The following CPD variants were observed in gnomAD, a reference collection of about 807,000 sequenced individuals.
The protein encoded by CPD is carboxypeptidase D.
Under a neutral mutation model 138.3 loss-of-function variants are expected in CPD, and 69 were observed. That is an observed-to-expected ratio of 0.50 (90% CI 0.41 to 0.61). The LOEUF (loss-of-function observed/expected upper bound fraction) is 0.61, where lower values mean the gene tolerates loss of function less well. CPD is among the 20% of genes least tolerant of loss of function. The pLI is 0.00. For synonymous variants in CPD, 651 were observed against 642.1 expected (o/e 1.01, Z -0.21); for missense variants, 1,432 against 1,733.3 (o/e 0.83, Z 3.09).
rs372685833 is a variant in CPD at position 30,385,084 on chromosome 17, A to G, written c.842A>G (p.Lys281Arg). 1.2e-6 allele frequency: 2 copies of G among 1,614,124 alleles called. No individual in the cohort carries two copies. Among genetic ancestry groups the G allele is most frequent in the Non-Finnish European group, 1.7e-6 (2 of 1,179,992 alleles). The change falls in exon 2 of 21, where the codon AAA becomes AGA. Residue 281 changes from lysine to arginine, a missense_variant. Physicochemically the swap from Lys to Arg is conservative, Grantham distance 26. Transcript: ENST00000225719. ...CATAAGGCCACTGGAATCTATAGCA[A>G]AACCTCAGATGATGAAGTATTTAAA... The part of the protein sequence containing the change: ...PEHKATGIYS[K>R]TSDDEVFKYL...
chr17:30,420,265 C>A (rs1473283016), intron 2 of CPD, among the ~76,000 whole-genome samples: 7 of 152,156 alleles, frequency 4.6e-5, no homozygotes, highest in Admixed American at 4.6e-4. Context: ...CTGTGCCACC[C>A]TAGATAACAG....
chr17:30,469,596 T>G lies in CPD; in HGVS notation c.*4782T>G, dbSNP rs939820822. On this transcript the variant is annotated 3_prime_UTR_variant, in exon 21 of 21. Coordinates refer to ENST00000225719, the MANE Select transcript of CPD (RefSeq NM_001304.5). ...TCAAATGTATAAATAAAGATCTGTTTATAGGTGATCTTTTTAATTTAGAAG... is the reference window on the plus strand; with the variant it reads ...TCAAATGTATAAATAAAGATCTGTTGATAGGTGATCTTTTTAATTTAGAAG... 3.6e-4 allele frequency: 55 copies of G among 152,204 alleles called. No individual in the cohort carries two copies. The highest frequency in any genetic ancestry group is 2.1e-4 in the Non-Finnish European group (14 of 68,034). 9.4% of individuals were successfully genotyped at this position (152,204 alleles called of 1,614,324 possible).
At chr17:30,390,005 G>T (rs551621760) in intron 2 of CPD, among the ~76,000 whole-genome samples, 1 of 151,904 alleles carries the variant, frequency 6.6e-6, no homozygotes, top group South Asian at 2.1e-4. Context: ...CAAAAAACCC[G>T]GATGTCCTGG....
At chr17:30,442,471 T>G (rs760237082) in intron 10 of CPD, 21 bp downstream of exon 10, 9 of 1,603,128 alleles carry the variant, frequency 5.6e-6, no homozygotes, top group Non-Finnish European at 7.7e-6. Context: ...AGGAGTGAAG[T>G]ATGAAATTTC....
At chr17:30,395,091 G>C (rs986448872) in intron 2 of CPD, among the ~76,000 whole-genome samples, 1 of 151,884 alleles carries the variant, frequency 6.6e-6, no homozygotes, top group Non-Finnish European at 1.5e-5. Context: ...GCATATGGCA[G>C]TGTAGATGAT....
At chr17:30,396,619 T>TTAAA (rs1911515245) in intron 2 of CPD, among the ~76,000 whole-genome samples, 2 of 152,222 alleles carry the variant, frequency 1.3e-5, no homozygotes, top group Non-Finnish European at 2.9e-5. Flanking sequence ...TTAGTTGTGC[T>TTAAA]ACAAATCGAT....
rs1911859591 is a variant in CPD, at chr17:30,408,282, C to T, written c.995-12559C>T. 2.0e-5 allele frequency among the ~76,000 whole-genome samples: 3 copies of T among 152,140 alleles called. No individual in the cohort carries two copies. The South Asian group carries it at 6.2e-4, about 32-fold the overall frequency. On this transcript the variant is annotated intron_variant, in intron 2 of 20. Coordinates refer to ENST00000225719, the MANE Select transcript of CPD (RefSeq NM_001304.5). Reference sequence around the variant, plus strand: ...TTCTTTTTGCTTAGGATTGTCTTGGCTATGCAGGCTCTTATTTGGTTCCAT... The same window carrying T: ...TTCTTTTTGCTTAGGATTGTCTTGGTTATGCAGGCTCTTATTTGGTTCCAT...
At chr17:30,456,812 A>T (rs1353711239) in intron 17 of CPD, 1 of 192,346 alleles carries the variant, frequency 5.2e-6, no homozygotes, top group African/African-American at 2.6e-5. Context: ...GCACTACTGC[A>T]CTCCAGCCTG....
rs960942003 is a variant in CPD, at chr17:30,379,607, C to G, written c.627C>G (p.Asp209Glu). 1.7e-5 allele frequency: 25 copies of G among 1,465,728 alleles called. No individual in the cohort carries two copies. Among genetic ancestry groups the G allele is most frequent in the Non-Finnish European group, 2.0e-5 (22 of 1,121,598 alleles). The allele number at this position is 1,465,728 out of a possible 1,614,324, so 90.8% of individuals were successfully genotyped here. Reference protein sequence around the residue: ...DGGPSGASGRDNSRGRDLNRS... With the variant: ...DGGPSGASGRENSRGRDLNRS... ...GCCCGTCCGGGGCCAGCGGCCGCGA[C>G]AATAGTCGCGGCCGCGACCTCAACC... Residue 209 changes from aspartate (D) to glutamate (E), a missense_variant, in exon 1 of 21, where the codon GAC becomes GAG. Physicochemically the swap from Asp to Glu is conservative, Grantham distance 45 (BLOSUM62 2). Transcript: ENST00000225719. This position sits in a 1 kb window ranked among gnomAD's most constrained non-coding sequence, Gnocchi z 7.0.
chr17:30,391,415 A>G (rs1245378145), intron 2 of CPD, among the ~76,000 whole-genome samples: 1 of 152,218 alleles, frequency 6.6e-6, no homozygotes, highest in East Asian at 1.9e-4. Flanking sequence ...AAACAAACAG[A>G]CAAAAAAGAA....
intron 2 of CPD, among the ~76,000 whole-genome samples, chr17:30,419,157 AG>A (rs1912196119): frequency 6.6e-6 from 1 of 152,206 alleles, no homozygotes; most frequent in East Asian, 1.9e-4. Flanking sequence ...TTTCTGTCAA[AG>A]TTTTGTTATT....
chr17:30,456,678 C>T, intron 17 of CPD, 152 bp downstream of exon 17: 1 of 634,516 alleles, frequency 1.6e-6, no homozygotes, highest in Non-Finnish European at 2.7e-6. Context: ...CCCATTTCTA[C>T]TAAAAATATA....
At chr17:30,462,716 C>G (rs1913522445) in intron 20 of CPD, among the ~76,000 whole-genome samples, 1 of 152,108 alleles carries the variant, frequency 6.6e-6, no homozygotes, top group Non-Finnish European at 1.5e-5. Context: ...AAGACACACA[C>G]AGAAATATAG....
At chr17:30,427,743 C>T (rs1254525192) in intron 7 of CPD, among the ~76,000 whole-genome samples, 185 bp downstream of exon 7, 1 of 151,698 alleles carries the variant, frequency 6.6e-6, no homozygotes, top group African/African-American at 2.4e-5. Flanking sequence ...TGTTTCTTTC[C>T]TCCTTCTTTC....
intron 17 of CPD, among the ~76,000 whole-genome samples, chr17:30,457,915 C>T (rs577743165): frequency 1.0e-3 from 153 of 152,208 alleles, no homozygotes; most frequent in African/African-American, 3.5e-3. Flanking sequence ...AAAGGCTGAG[C>T]GTGGTGGTGG....
At chr17:30,420,791 G>A in intron 2 of CPD, 50 bp from the exon 3 acceptor site, 1 of 1,510,962 alleles carries the variant, frequency 6.6e-7, no homozygotes, top group African/African-American at 1.4e-5. Flanking sequence ...TCTTTTGGAG[G>A]GTAGAATTAT....
At chr17:30,387,517 C>T (rs1911224504) in intron 2 of CPD, among the ~76,000 whole-genome samples, 1 of 152,058 alleles carries the variant, frequency 6.6e-6, no homozygotes. Context: ...TGAATAATAA[C>T]GTTTTTGTTT....
At chr17:30,457,298 C>T (rs141303285) in intron 17 of CPD, among the ~76,000 whole-genome samples, 6 of 152,316 alleles carry the variant, frequency 3.9e-5, no homozygotes, top group African/African-American at 1.4e-4. Flanking sequence ...TTACTTCATT[C>T]ATTTTTATGG....
At chr17:30,409,824 T>A (rs926781458) in intron 2 of CPD, among the ~76,000 whole-genome samples, 1 of 152,198 alleles carries the variant, frequency 6.6e-6, no homozygotes, top group African/African-American at 2.4e-5. Flanking sequence ...TTCATTGATT[T>A]TTTTTGAATG....
Sources: gnomAD v4.1 joint callset for allele counts (sites outside exome capture counted in the v4.1 genomes callset) on GRCh38, gnomAD v4.1.1 for gene constraint, Gnocchi (gnomAD v3.1) non-coding constraint, MANE v1.5 for transcripts, NCBI Gene and HGNC (gene_info 2026-07-23, HGNC 2026-07-21) for gene names.